The following UNC5D variants were observed in gnomAD, a reference collection of about 807,000 sequenced individuals.
The protein encoded by UNC5D is netrin receptor UNC5D.
UNC5D carries 39 observed loss-of-function variants against 105.4 expected under a neutral mutation model. That is an observed-to-expected ratio of 0.37 (90% CI 0.29 to 0.48). The LOEUF (loss-of-function observed/expected upper bound fraction) is 0.48. UNC5D is among the 20% of genes least tolerant of loss of function. UNC5D has a pLI of 0.98. For synonymous variants in UNC5D, 452 were observed against 450.4 expected, an observed-to-expected ratio of 1.00 and a Z score of -0.04; for missense variants, 991 against 1,202.4, an observed-to-expected ratio of 0.82 and a Z score of 2.60.
At chr8:35,621,937 C>T (rs1821382880) in intron 4 of UNC5D, among the ~76,000 whole-genome samples, 1 of 152,200 alleles carries the variant, frequency 6.6e-6, no homozygotes, top group South Asian at 2.1e-4. Flanking sequence ...ACTCCCTCCT[C>T]CACTTCAGAG....
chr8:35,292,565 G>A (rs981530982), intron 1 of UNC5D, among the ~76,000 whole-genome samples: 3 of 152,162 alleles, frequency 2.0e-5, no homozygotes, highest in Admixed American at 6.5e-5. Flanking sequence ...CTGACCCACA[G>A]TGGAGTCAAA....
At chr8:35,770,960 T>G (rs1801986727) in intron 15 of UNC5D, among the ~76,000 whole-genome samples, 1 of 152,148 alleles carries the variant, frequency 6.6e-6, no homozygotes, top group Non-Finnish European at 1.5e-5. Flanking sequence ...CATATTTAAT[T>G]TAAACAATCA....
At position 35,328,397 on chromosome 8, in the gene UNC5D, A is replaced by AT. The variant is rs577930978; in HGVS notation, c.103+92518dup. Among the ~76,000 whole-genome samples the AT allele has an allele frequency of 7.9e-5, 12 of 151,744 alleles. No individual in the cohort carries two copies. In the South Asian group the frequency reaches 1.0e-3, roughly 13 times the overall value. On this transcript the variant is annotated intron_variant, in intron 1 of 16. Transcript: ENST00000404895. Reference sequence around the variant, plus strand: ...AATCATTATTTCTGGTGCTATTTGTATTTTTTTTGTTTTCTAGTCTAAAGA... The same window carrying AT: ...AATCATTATTTCTGGTGCTATTTGTATTTTTTTTTGTTTTCTAGTCTAAAGA...
intron 1 of UNC5D, among the ~76,000 whole-genome samples, chr8:35,526,268 T>G (rs1454387048): frequency 2.0e-5 from 3 of 152,164 alleles, no homozygotes; most frequent in Non-Finnish European, 2.9e-5. Flanking sequence ...CTTGAAGGCT[T>G]GCATTGTTCC....
chr8:35,480,629 A>T (rs1380444391), intron 1 of UNC5D, among the ~76,000 whole-genome samples: 1 of 152,170 alleles, frequency 6.6e-6, no homozygotes, highest in African/African-American at 2.4e-5. Context: ...TGTTTTTAGG[A>T]TATATCTACA....
chr8:35,627,353 C>T (rs1210619796), intron 4 of UNC5D, among the ~76,000 whole-genome samples: 1 of 152,128 alleles, frequency 6.6e-6, no homozygotes, highest in Non-Finnish European at 1.5e-5. Context: ...GATTCATCAT[C>T]CTGCAGTGAC....
chr8:35,320,150 A>C (rs897161208), intron 1 of UNC5D, among the ~76,000 whole-genome samples: 1 of 152,094 alleles, frequency 6.6e-6, no homozygotes, highest in South Asian at 2.1e-4. Context: ...ATAAGACATC[A>C]ATCAGTATAT....
At chr8:35,613,223 C>T (rs568956369) in intron 4 of UNC5D, among the ~76,000 whole-genome samples, 38 of 152,320 alleles carry the variant, frequency 2.5e-4, no homozygotes, top group African/African-American at 7.2e-4. Context: ...GACCACTACG[C>T]GCCATCATGC....
rs750548244 is a variant in UNC5D at position 35,595,545 on chromosome 8, T to G, written c.467-9T>G. Reference sequence around the variant, plus strand: ...AACAAAGTGTCACCTATCTCATGCTTCTTTGCAGATTTACGGAAAAACTTT... The same window carrying G: ...AACAAAGTGTCACCTATCTCATGCTGCTTTGCAGATTTACGGAAAAACTTT... On this transcript the variant is annotated splice_polypyrimidine_tract_variant and intron_variant, in intron 3 of 16. Coordinates refer to ENST00000404895, the MANE Select transcript of UNC5D (RefSeq NM_080872.4). The G allele has an allele frequency of 6.2e-7, 1 of 1,613,532 alleles. No individual in the cohort carries two copies. The highest frequency in any genetic ancestry group is 8.5e-7 in the Non-Finnish European group (1 of 1,179,540).
chr8:35,676,099 G>A (rs1348013959), intron 4 of UNC5D, among the ~76,000 whole-genome samples: 6 of 152,034 alleles, frequency 3.9e-5, no homozygotes, highest in African/African-American at 4.8e-5. Flanking sequence ...AAAACTAGAA[G>A]CTCATCAGTT....
At chr8:35,708,832 A>G (rs1300529964) in intron 8 of UNC5D, among the ~76,000 whole-genome samples, 1 of 152,178 alleles carries the variant, frequency 6.6e-6, no homozygotes, top group Non-Finnish European at 1.5e-5. Context: ...CCTCCAGGAT[A>G]TCTTCAGTTG....
chr8:35,260,186 T>C (rs1804383308), intron 1 of UNC5D, among the ~76,000 whole-genome samples: 3 of 152,130 alleles, frequency 2.0e-5, no homozygotes, highest in Non-Finnish European at 4.4e-5. Context: ...GAGGGAACGG[T>C]TCACCTGTCA....
At chr8:35,505,636 T>C (rs914412306) in intron 1 of UNC5D, among the ~76,000 whole-genome samples, 13 of 152,346 alleles carry the variant, frequency 8.5e-5, no homozygotes, top group African/African-American at 2.6e-4. Flanking sequence ...AGTGGGGAAA[T>C]GCCTGAGATG....
intron 1 of UNC5D, among the ~76,000 whole-genome samples, chr8:35,258,153 G>A (rs751263078): frequency 2.0e-5 from 3 of 152,106 alleles, no homozygotes; most frequent in Non-Finnish European, 2.9e-5. Flanking sequence ...TTGCTGCATC[G>A]TCACATGGAG....
chr8:35,572,325 G>GA (rs917664884), intron 3 of UNC5D, among the ~76,000 whole-genome samples: 3 of 128,020 alleles, frequency 2.3e-5, no homozygotes, highest in East Asian at 2.2e-4. Context: ...GCAAAAAACT[G>GA]AAAAAAACTG....
At chr8:35,381,977 G>A (rs1172716733) in intron 1 of UNC5D, among the ~76,000 whole-genome samples, 4 of 152,246 alleles carry the variant, frequency 2.6e-5, no homozygotes, top group Non-Finnish European at 5.9e-5. Flanking sequence ...ACTGCCAGGA[G>A]AACCTGTTTG....
chr8:35,461,381 G>GA (rs35331415), intron 1 of UNC5D, among the ~76,000 whole-genome samples: 1 of 152,016 alleles, frequency 6.6e-6, no homozygotes, highest in Non-Finnish European at 1.5e-5. Flanking sequence ...ACACGCGTGT[G>GA]AAAAAAGGAA....
chr8:35,765,888 G>T (rs1457532173), intron 14 of UNC5D, among the ~76,000 whole-genome samples: 1 of 152,076 alleles, frequency 6.6e-6, no homozygotes, highest in Non-Finnish European at 1.5e-5. Flanking sequence ...AACTAATAAG[G>T]TGAGAAATAG....
intron 1 of UNC5D, among the ~76,000 whole-genome samples, chr8:35,507,057 T>TTC (rs1563482773): frequency 7.4e-6 from 1 of 135,604 alleles, no homozygotes; most frequent in African/African-American, 2.8e-5. Flanking sequence ...TTCTTTTTTT[T>TTC]TTTTTTTTTT....
Sources: gnomAD v4.1 joint callset for allele counts (sites outside exome capture counted in the v4.1 genomes callset) on GRCh38, gnomAD v4.1.1 for gene constraint, MANE v1.5 for transcripts, NCBI Gene and HGNC (gene_info 2026-07-23, HGNC 2026-07-21) for gene names.